Variants in PCDHA2 observed in about 807,000 individuals in gnomAD.
PCDHA2 encodes protocadherin alpha 2, also known as protocadherin alpha-2.
Under a neutral mutation model 66.0 loss-of-function variants are expected in PCDHA2, and 58 were observed. The observed-to-expected ratio is 0.88, with a 90% CI of 0.71 to 1.09. The LOEUF is 1.09. Ranked by LOEUF, PCDHA2 falls within the 50% of genes least tolerant of loss-of-function variation. The pLI, the probability that PCDHA2 is intolerant of heterozygous loss-of-function variation, is 0.00. For missense variants in PCDHA2, 1,267 were observed against 1,242.3 expected (o/e 1.02, Z -0.30); for synonymous variants, 634 against 554.0 (o/e 1.14, Z -2.03).
chr5:140,874,187 C>A (rs1554167080), intron 1 of PCDHA2, among the ~76,000 whole-genome samples: 1 of 152,168 alleles, frequency 6.6e-6, no homozygotes, highest in Non-Finnish European at 1.5e-5. Context: ...GTAAAGGTGT[C>A]ATATTTCAGT....
intron 1 of PCDHA2, chr5:140,851,484 A>G: frequency 2.2e-6 from 2 of 889,574 alleles, no homozygotes; most frequent in Non-Finnish European, 2.7e-6. Context: ...TTATAAACAC[A>G]GCCTTCATTT....
At chr5:140,885,798 T>C (rs1269362409) in intron 1 of PCDHA2, among the ~76,000 whole-genome samples, 1 of 152,186 alleles carries the variant, frequency 6.6e-6, no homozygotes, top group East Asian at 1.9e-4. Context: ...TTGTCATATG[T>C]ATTTTGTTGA....
intron 1 of PCDHA2, chr5:140,834,738 G>A (rs2150225260): frequency 5.6e-6 from 9 of 1,614,242 alleles, no homozygotes; most frequent in Non-Finnish European, 7.6e-6. Context: ...GGTTTTCCAT[G>A]TGGACGTGGA....
Position 140,809,688 on chromosome 5 carries a change from A to G in PCDHA2, c.2388+12336A>G, listed in dbSNP as rs143537982. The G allele has an allele frequency of 3.8e-4, 482 of 1,285,242 alleles. 2 individuals are homozygous for G. In the African/African-American group the frequency reaches 6.7e-3, roughly 18 times the overall value. 79.6% of individuals were successfully genotyped at this position (1,285,242 alleles called of 1,614,324 possible). On this transcript the variant is annotated intron_variant, in intron 1 of 3. Transcript: ENST00000526136. ...GGGTTAAAATTTTACCTCTTTTTAC[A>G]TATCCATTTTAACTAAAGTCTTTTG...
intron 1 of PCDHA2, among the ~76,000 whole-genome samples, chr5:140,900,283 C>A (rs1325528461): frequency 6.6e-6 from 1 of 151,666 alleles, no homozygotes; most frequent in Non-Finnish European, 1.5e-5. Flanking sequence ...ACCACACTTT[C>A]TTTTCTGTTT....
At chr5:140,864,608 T>C (rs1180007033) in intron 1 of PCDHA2, 3 of 152,188 alleles carry the variant, frequency 2.0e-5, no homozygotes, top group Non-Finnish European at 4.4e-5. Context: ...GCCAACAACT[T>C]TGTTCTTTTT....
intron 1 of PCDHA2, among the ~76,000 whole-genome samples, chr5:140,964,874 A>C (rs1443431100): frequency 6.6e-6 from 1 of 152,178 alleles, no homozygotes; most frequent in East Asian, 1.9e-4. Flanking sequence ...GACAAATAAG[A>C]AGCAGCAGTG....
At chr5:140,919,593 T>C (rs541275874) in intron 1 of PCDHA2, among the ~76,000 whole-genome samples, 1 of 152,214 alleles carries the variant, frequency 6.6e-6, no homozygotes, top group Non-Finnish European at 1.5e-5. Context: ...TGGTAATTTT[T>C]AAAATAAATT....
chr5:140,891,921 C>G (rs1405172226), intron 1 of PCDHA2, among the ~76,000 whole-genome samples: 1 of 152,234 alleles, frequency 6.6e-6, no homozygotes, highest in African/African-American at 2.4e-5. Flanking sequence ...ATGCTGGTGC[C>G]TTGATCTTGG....
At chr5:140,876,283 G>A in intron 1 of PCDHA2, 1 of 1,614,056 alleles carries the variant, frequency 6.2e-7, no homozygotes. Flanking sequence ...CGATCCAGAC[G>A]AAGGACTTAA....
intron 3 of PCDHA2, among the ~76,000 whole-genome samples, chr5:141,002,613 A>G (rs1587992392): frequency 1.3e-5 from 2 of 152,206 alleles, no homozygotes; most frequent in African/African-American, 4.8e-5. Context: ...AAACAGACAC[A>G]TAACACAGAC....
intron 1 of PCDHA2, among the ~76,000 whole-genome samples, chr5:140,920,262 T>A (rs1199241403): frequency 2.0e-5 from 3 of 152,216 alleles, no homozygotes; most frequent in African/African-American, 7.2e-5. Flanking sequence ...ATAATAATTA[T>A]TACTTTATGT....
rs781856991 is a variant in PCDHA2 at position 140,795,072 on chromosome 5, C to T, written c.108C>T (p.Pro36=). Residue 36 remains proline (P), a synonymous_variant, in exon 1 of 4, where the codon CCC becomes CCT. Coordinates refer to ENST00000526136, the MANE Select transcript of PCDHA2 (RefSeq NM_018905.3). ...GCGGCCAGCTCCGCTACTCCGTCCCCGAGGAGGCCAAACACGGCACCTTCG... is the reference window on the plus strand; with the variant it reads ...GCGGCCAGCTCCGCTACTCCGTCCCTGAGGAGGCCAAACACGGCACCTTCG... The part of the protein sequence containing the change: ...VGSGQLRYSV[P]EEAKHGTFVG... 1 of 1,613,964 alleles carries T rather than the reference C, an allele frequency of 6.2e-7. No homozygotes were observed. Among genetic ancestry groups the T allele is most frequent in the Non-Finnish European group, 8.5e-7 (1 of 1,180,040 alleles).
chr5:140,842,127 C>T (rs2150329918), intron 1 of PCDHA2: 1 of 1,613,572 alleles, frequency 6.2e-7, no homozygotes, highest in Non-Finnish European at 8.5e-7. Flanking sequence ...GCTTCTGATC[C>T]GGATGAAGGA....
intron 1 of PCDHA2, chr5:140,860,465 T>C (rs12657479): frequency 6.6e-6 from 1 of 152,098 alleles, no homozygotes; most frequent in Admixed American, 6.5e-5. Flanking sequence ...GATAATACAG[T>C]TGGTGCAGTA....
chr5:140,892,477 A>G (rs2063535340), intron 1 of PCDHA2, among the ~76,000 whole-genome samples: 1 of 152,220 alleles, frequency 6.6e-6, no homozygotes, highest in South Asian at 2.1e-4. Context: ...TCAGTTTCCT[A>G]GCCAAACATG....
At chr5:140,821,675 A>G in intron 1 of PCDHA2, 2 of 1,308,536 alleles carry the variant, frequency 1.5e-6, no homozygotes, top group South Asian at 3.0e-5. Context: ...GAAGCTCAGA[A>G]AGGCGATAAT....
intron 1 of PCDHA2, chr5:140,859,181 G>A (rs1006816858): frequency 6.7e-6 from 1 of 149,700 alleles, no homozygotes; most frequent in Admixed American, 6.7e-5. Context: ...ATCAGCATTA[G>A]GCATTGCTTA....
intron 1 of PCDHA2, chr5:140,805,370 TA>T (rs2149984149): frequency 8.7e-7 from 1 of 1,148,324 alleles, no homozygotes; most frequent in South Asian, 2.8e-5. Flanking sequence ...GGTCCCCACA[TA>T]GTGAAAGTAC....
Sources: gnomAD v4.1 joint callset for allele counts (sites outside exome capture counted in the v4.1 genomes callset) on GRCh38, gnomAD v4.1.1 for gene constraint, MANE v1.5 for transcripts, NCBI Gene and HGNC (gene_info 2026-07-23, HGNC 2026-07-21) for gene names.